Variants in CEP70 observed in about 807,000 individuals in gnomAD.
CEP70 encodes centrosomal protein of 70 kDa.
Under a neutral mutation model 90.9 loss-of-function variants are expected in CEP70, and 70 were observed. The observed-to-expected ratio is 0.77, with a 90% CI of 0.64 to 0.94. The LOEUF is 0.94. Ranked by LOEUF, CEP70 falls within the 40% of genes least tolerant of loss-of-function variation. The probability of loss-of-function intolerance (pLI) is 0.00; values close to 1 mark genes in which losing one functional copy is unlikely to be tolerated. For missense variants in CEP70, 648 were observed against 669.0 expected (o/e 0.97, Z 0.35); for synonymous variants, 220 against 228.3 (o/e 0.96, Z 0.33).
intron 2 of CEP70, among the ~76,000 whole-genome samples, chr3:138,575,036 C>A (rs1296650622): frequency 6.6e-6 from 1 of 152,124 alleles, no homozygotes; most frequent in African/African-American, 2.4e-5. Flanking sequence ...AATCAAAGCG[C>A]CTCTTCTCCT....
chr3:138,566,962 A>G (rs753554438), intron 6 of CEP70, among the ~76,000 whole-genome samples: 7 of 152,246 alleles, frequency 4.6e-5, no homozygotes, highest in Non-Finnish European at 8.8e-5. Flanking sequence ...GCCAAAAACT[A>G]GAAACTAAAA....
chr3:138,498,897 T>G (rs917642578), intron 16 of CEP70, among the ~76,000 whole-genome samples: 20 of 151,326 alleles, frequency 1.3e-4, no homozygotes, highest in Admixed American at 1.3e-3. Flanking sequence ...AGTACAAAAA[T>G]TAGCTGGGTG....
intron 8 of CEP70, 48 bp from the exon 9 acceptor site, chr3:138,529,510 G>GA (rs746930560): frequency 8.7e-6 from 10 of 1,152,812 alleles, no homozygotes; most frequent in Non-Finnish European, 1.0e-5. Flanking sequence ...TATCTTCAAA[G>GA]AAAAAAACTA....
chr3:138,576,544 A>C (rs1305785611), intron 2 of CEP70, among the ~76,000 whole-genome samples: 5 of 152,160 alleles, frequency 3.3e-5, no homozygotes, highest in Non-Finnish European at 7.4e-5. Context: ...ACAGATCAAC[A>C]AGACAGAAGG....
chr3:138,542,352 A>C (rs994141104), intron 6 of CEP70, among the ~76,000 whole-genome samples: 5 of 152,200 alleles, frequency 3.3e-5, no homozygotes, highest in African/African-American at 1.2e-4. Context: ...AGGCCCAAAG[A>C]GGGTGTTAGA....
intron 17 of CEP70, chr3:138,497,331 TAAAAA>T (rs539518473): frequency 2.8e-6 from 3 of 1,077,706 alleles, no homozygotes; most frequent in South Asian, 3.2e-5. Flanking sequence ...AGCCATTCTT[TAAAAA>T]AAAAAAAAAA....
intron 6 of CEP70, among the ~76,000 whole-genome samples, chr3:138,554,096 G>A (rs2039820637): frequency 6.6e-6 from 1 of 151,744 alleles, no homozygotes; most frequent in Admixed American, 6.6e-5. Flanking sequence ...AGCTACTCAG[G>A]AGACTGAGGC....
chr3:138,562,140 A>G (rs1166022168), intron 6 of CEP70, among the ~76,000 whole-genome samples: 1 of 152,056 alleles, frequency 6.6e-6, no homozygotes, highest in African/African-American at 2.4e-5. Flanking sequence ...TAAAGCGAGA[A>G]AACAAGATTA....
intron 6 of CEP70, among the ~76,000 whole-genome samples, chr3:138,551,034 T>A (rs2039575386): frequency 6.6e-6 from 1 of 152,128 alleles, no homozygotes; most frequent in Admixed American, 6.6e-5. Flanking sequence ...CCTGAGAAAT[T>A]CATCGCAAAA....
chr3:138,582,954 G>T (rs1298011396), intron 2 of CEP70, among the ~76,000 whole-genome samples: 1 of 151,832 alleles, frequency 6.6e-6, no homozygotes, highest in Non-Finnish European at 1.5e-5. Flanking sequence ...AAGAAGAGAA[G>T]ACCACAAAAC....
At chr3:138,577,658 A>T (rs959564098) in intron 2 of CEP70, among the ~76,000 whole-genome samples, 3 of 152,072 alleles carry the variant, frequency 2.0e-5, no homozygotes, top group African/African-American at 7.2e-5. Flanking sequence ...GGAAAAAATA[A>T]AAAAATTTTT....
intron 6 of CEP70, among the ~76,000 whole-genome samples, chr3:138,556,223 G>C (rs1309174938): frequency 6.6e-6 from 1 of 152,102 alleles, no homozygotes; most frequent in African/African-American, 2.4e-5. Context: ...CTATGACAAT[G>C]CAAAGGCATG....
At chr3:138,519,521 C>A (rs1441065474) in intron 11 of CEP70, among the ~76,000 whole-genome samples, 2 of 152,116 alleles carry the variant, frequency 1.3e-5, no homozygotes, top group Admixed American at 6.5e-5. Flanking sequence ...GAGTGGGGGG[C>A]AATATTCAAC....
intron 6 of CEP70, among the ~76,000 whole-genome samples, chr3:138,546,242 C>A (rs768716733): frequency 6.6e-6 from 1 of 152,042 alleles, no homozygotes; most frequent in African/African-American, 2.4e-5. Context: ...AAAGAACCTA[C>A]GTTGAAATAC....
At chr3:138,500,905 G>A (rs2034450686) in intron 13 of CEP70, 24 bp from the exon 14 acceptor site, 2 of 1,242,862 alleles carry the variant, frequency 1.6e-6, no homozygotes, top group African/African-American at 1.6e-5. Context: ...GAAACTATAT[G>A]GTATTATTGA....
chr3:138,524,188 C>T (rs199603422), intron 11 of CEP70, among the ~76,000 whole-genome samples: 1 of 151,590 alleles, frequency 6.6e-6, no homozygotes, highest in Non-Finnish European at 1.5e-5. Flanking sequence ...AAAGCTGAAA[C>T]TGGATTCCTT....
At chr3:138,587,332 AAGAT>A (rs1168988294) in intron 2 of CEP70, among the ~76,000 whole-genome samples, 2 of 152,040 alleles carry the variant, frequency 1.3e-5, no homozygotes, top group Non-Finnish European at 2.9e-5. Context: ...GAAAATGACA[AAGAT>A]AGGCAAAGAA....
At chr3:138,512,052 C>G (rs184833406) in intron 11 of CEP70, among the ~76,000 whole-genome samples, 8 of 152,284 alleles carry the variant, frequency 5.3e-5, no homozygotes, top group African/African-American at 1.9e-4. Context: ...TCAAGCATGT[C>G]TGGAGATTGC....
At chr3:138,570,275 T>A in intron 6 of CEP70, 43 bp downstream of exon 6, 1 of 1,343,698 alleles carries the variant, frequency 7.4e-7, no homozygotes, top group Admixed American at 2.5e-5. Context: ...ATGAGCTGTT[T>A]TAGTACTAAC....
Sources: gnomAD v4.1 joint callset for allele counts (sites outside exome capture counted in the v4.1 genomes callset) on GRCh38, gnomAD v4.1.1 for gene constraint, MANE v1.5 for transcripts, NCBI Gene and HGNC (gene_info 2026-07-23, HGNC 2026-07-21) for gene names.